ANK2: variants seen among roughly 807,000 people sequenced by gnomAD.
ANK2 encodes the protein ankyrin 2.
Under a neutral mutation model 360.5 loss-of-function variants are expected in ANK2, and 83 were observed. The ratio of observed to expected loss-of-function variants is 0.23; its 90% CI spans 0.19 to 0.28. The LOEUF is 0.28. ANK2 is among the 10% of genes least tolerant of loss of function. The probability of loss-of-function intolerance (pLI) is 1.00; values close to 1 mark genes in which losing one functional copy is unlikely to be tolerated. For synonymous variants in ANK2, 1,740 were observed against 1,759.5 expected (o/e 0.99, Z 0.28); for missense variants, 4,201 against 4,795.7 (o/e 0.88, Z 3.66).
chr4:112,843,717 T>C (rs544178896), intron 1 of ANK2, among the ~76,000 whole-genome samples: 30 of 152,270 alleles, frequency 2.0e-4, no homozygotes, highest in Non-Finnish European at 3.4e-4. Context: ...ATGGATCACC[T>C]CAAGGAATAC....
In ANK2 at chr4:113,330,230, C is replaced by G. The variant is rs200750637; in HGVS notation, c.2901-16C>G. ...AATATTTCAAAACATATCTAATCTT[C>G]TATTTTAATTTTTAGTTTCCTGGTT... On this transcript the variant is annotated splice_polypyrimidine_tract_variant and intron_variant, in intron 26 of 45. Transcript: ENST00000357077. The G allele has an allele frequency of 7.1e-4, 1,142 of 1,609,528 alleles. 5 individuals carry two copies. The South Asian group carries it at 9.6e-3, about 14-fold the overall frequency.
intron 1 of ANK2, among the ~76,000 whole-genome samples, chr4:112,894,669 T>C (rs1303316642): frequency 6.6e-6 from 1 of 152,214 alleles, no homozygotes; most frequent in Admixed American, 6.5e-5. Context: ...CATGTCATTT[T>C]TTATTGGGAG....
the ANK2 span, among the ~76,000 whole-genome samples, chr4:112,782,143 G>C: frequency 6.6e-6 from 1 of 152,030 alleles, no homozygotes. Flanking sequence ...TAAGTTTTTA[G>C]AAGTCTTTAT....
chr4:112,876,349 G>A (rs568158974), intron 1 of ANK2, among the ~76,000 whole-genome samples: 90 of 152,150 alleles, frequency 5.9e-4, no homozygotes, highest in African/African-American at 2.1e-3. Flanking sequence ...AATATTTTGA[G>A]GTTACACAGT....
Position 113,357,830 on chromosome 4 carries a change from T to G in ANK2, c.9212T>G (p.Val3071Gly), listed in dbSNP as rs758289079. ...EEEQKIFGLM[V>G]DRQSQGTTPD... ...GAACAAAAGATATTTGGTTTGATGGTAGACAGACAATCACAGGGTACCACC... is the reference window on the plus strand; with the variant it reads ...GAACAAAAGATATTTGGTTTGATGGGAGACAGACAATCACAGGGTACCACC... The change falls in exon 38 of 46, where the codon GTA becomes GGA. Residue 3071 changes from valine to glycine, a missense_variant. Around this residue, in one of 4 missense-constraint regions of ANK2, gnomAD observed 2,642 missense variants for 2,714.5 expected, o/e 0.97. Transcript: ENST00000357077. The G allele has an allele frequency of 8.7e-6, 14 of 1,613,886 alleles. No homozygotes were observed. The highest frequency in any genetic ancestry group is 1.2e-5 in the Non-Finnish European group (14 of 1,179,886).
intron 24 of ANK2, among the ~76,000 whole-genome samples, chr4:113,317,154 C>A (rs1213066282): frequency 6.6e-6 from 1 of 152,226 alleles, no homozygotes; most frequent in Non-Finnish European, 1.5e-5. Context: ...CAGTTCATTT[C>A]ACTCTGTACC....
At chr4:112,844,001 A>G (rs539067278) in intron 1 of ANK2, among the ~76,000 whole-genome samples, 4 of 152,366 alleles carry the variant, frequency 2.6e-5, no homozygotes, top group South Asian at 2.1e-4. Flanking sequence ...GCATACAACA[A>G]TTTTGTGCTA....
the ANK2 span, among the ~76,000 whole-genome samples, chr4:112,808,306 G>C: frequency 6.6e-6 from 1 of 152,180 alleles, no homozygotes; most frequent in Non-Finnish European, 1.5e-5. Context: ...TGGGTGAGCA[G>C]GATGATGAAG....
intron 1 of ANK2, among the ~76,000 whole-genome samples, chr4:112,885,533 A>C (rs2150530648): frequency 6.7e-6 from 1 of 149,768 alleles, no homozygotes; most frequent in South Asian, 2.1e-4. Context: ...ATGGTGGCTC[A>C]CGCCTGTAAT....
chr4:113,156,517 C>T (rs1319557315), intron 1 of ANK2, among the ~76,000 whole-genome samples: 1 of 151,734 alleles, frequency 6.6e-6, no homozygotes, highest in Non-Finnish European at 1.5e-5. Flanking sequence ...ACTACAGGTG[C>T]ACGCCACCAC....
At chr4:112,710,002 A>G in the ANK2 span, among the ~76,000 whole-genome samples, 1 of 152,166 alleles carries the variant, frequency 6.6e-6, no homozygotes, top group Non-Finnish European at 1.5e-5. Context: ...TTGCTGTGGA[A>G]ACATTGAGAC....
chr4:113,053,231 T>G (rs2067958752), intron 1 of ANK2, among the ~76,000 whole-genome samples: 2 of 152,170 alleles, frequency 1.3e-5, no homozygotes, highest in African/African-American at 4.8e-5. Context: ...CCTTTCTCAT[T>G]CTCCAGCTTG....
chr4:113,013,081 T>C (rs967729755), intron 2 of ANK2, among the ~76,000 whole-genome samples: 1 of 152,188 alleles, frequency 6.6e-6, no homozygotes, highest in Non-Finnish European at 1.5e-5. Flanking sequence ...AATTCATAAG[T>C]GAAAGACATT....
intron 1 of ANK2, among the ~76,000 whole-genome samples, chr4:113,098,548 A>G (rs2092136862): frequency 6.6e-6 from 1 of 152,054 alleles, no homozygotes; most frequent in Non-Finnish European, 1.5e-5. Flanking sequence ...AATGGTTAAT[A>G]ACCTTCTAAT....
rs199826410 is a variant in ANK2, at chr4:113,282,880, G to T, written c.2079+8G>T. ...ATCCACATGTCAACTAAGGTATTCT[G>T]TCCTTTCTTGCATCAATCAAGAGTG... On this transcript the variant is annotated splice_region_variant and intron_variant, in intron 18 of 45. Transcript: ENST00000357077. The T allele has an allele frequency of 6.2e-7, 1 of 1,613,692 alleles. No homozygotes were observed. Among genetic ancestry groups the T allele is most frequent in the African/African-American group, 1.3e-5 (1 of 75,020 alleles).
At chr4:113,146,100 A>G in intron 1 of ANK2, 1 of 1,217,974 alleles carries the variant, frequency 8.2e-7, no homozygotes. Context: ...CCTGGAAGGA[A>G]GCTGACAGAA....
chr4:113,314,533 C>T (rs769155422), intron 24 of ANK2, among the ~76,000 whole-genome samples: 16 of 152,216 alleles, frequency 1.1e-4, no homozygotes, highest in South Asian at 2.1e-4. Flanking sequence ...TGTTATTATA[C>T]ATTTATTAAC....
intron 1 of ANK2, among the ~76,000 whole-genome samples, chr4:113,122,078 GA>G (rs1252131357): frequency 2.0e-5 from 3 of 152,144 alleles, no homozygotes; most frequent in Admixed American, 6.6e-5. Context: ...TGTGTTATAA[GA>G]ATGAGTTGAA....
chr4:113,076,456 A>G (rs1285436495), intron 1 of ANK2, among the ~76,000 whole-genome samples: 1 of 152,220 alleles, frequency 6.6e-6, no homozygotes, highest in African/African-American at 2.4e-5. Flanking sequence ...GAAGGAGATG[A>G]TATTAGAAAA....
Sources: gnomAD v4.1 joint callset for allele counts (sites outside exome capture counted in the v4.1 genomes callset) on GRCh38, gnomAD v4.1.1 for gene constraint, gnomAD v4.1.1 regional missense constraint, MANE v1.5 for transcripts, NCBI Gene and HGNC (gene_info 2026-07-23, HGNC 2026-07-21) for gene names.